The following MARK1 variants were observed in gnomAD, a reference collection of about 807,000 sequenced individuals.
The protein encoded by MARK1 is microtubule affinity regulating kinase 1.
In MARK1, 40 loss-of-function variants were observed where a neutral mutation model predicts 96.3. That is an observed-to-expected ratio of 0.42 (90% CI 0.32 to 0.54). The LOEUF (loss-of-function observed/expected upper bound fraction) is 0.54. Among genes scored for constraint, MARK1 ranks in the 20% least tolerant of loss-of-function variants. MARK1 has a pLI of 0.16. For missense variants in MARK1, 719 were observed against 984.6 expected (o/e 0.73, Z 3.61); for synonymous variants, 317 against 341.2 (o/e 0.93, Z 0.78).
chr1:220,579,549 G>C lies in MARK1; in HGVS notation c.247G>C (p.Gly83Arg), dbSNP rs1420510648. The C allele has an allele frequency of 3.7e-6, 6 of 1,613,814 alleles. No homozygotes were observed. The South Asian group carries it at 5.5e-5, about 15-fold the overall frequency. Reference protein sequence around the residue: ...KVKLARHVLTGREVAVKIIDK... With the variant: ...KVKLARHVLTRREVAVKIIDK... Reference sequence around the variant, plus strand: ...CAAATTGGCAAGACACGTTCTAACTGGTAGAGAGGTAAGTTTGCACAATGC... The same window carrying C: ...CAAATTGGCAAGACACGTTCTAACTCGTAGAGAGGTAAGTTTGCACAATGC... The change falls in exon 2 of 18, where the codon GGT (glycine) becomes CGT (arginine). Residue 83 changes from glycine (G) to arginine (R), a missense_variant. By Grantham distance (125) the Gly-to-Arg change is moderately radical (BLOSUM62 -2). Around this residue, in one of 4 missense-constraint regions of MARK1, gnomAD observed 105 missense variants for 133.4 expected, o/e 0.79. Coordinates refer to ENST00000366917, the MANE Select transcript of MARK1 (RefSeq NM_018650.5).
Position 220,633,471 on chromosome 1 carries a change from T to A in MARK1, c.1122+1158T>A, listed in dbSNP as rs539681529. ...CATTCCAGCTGACATATATTGAACC[T>A]TTATTGTACCAGAAACGATGCTGTG... On this transcript the variant is annotated intron_variant, in intron 11 of 17. Transcript: ENST00000366917. Among the ~76,000 whole-genome samples, 19 of 152,292 alleles carry A rather than the reference T, an allele frequency of 1.2e-4. No homozygotes were observed. In the East Asian group the frequency reaches 3.5e-3, roughly 28 times the overall value.
rs147664748 is a variant in MARK1 at position 220,653,393 on chromosome 1, A to T, written c.1988+41A>T. 6,197 of 1,577,128 alleles carry T rather than the reference A, an allele frequency of 3.9e-3. 13 individuals are homozygous for T. Among genetic ancestry groups the T allele is most frequent in the Non-Finnish European group, 4.9e-3 (5,719 of 1,160,434 alleles). ...CTGTCGTGTTTTGATTCCTCTAGAA[A>T]TTATAAAGGAAACTAGACTTTTTAA... On this transcript the variant is annotated intron_variant, in intron 16 of 17. Transcript: ENST00000366917.
chr1:220,589,949 T>C (rs1482550505), intron 3 of MARK1, among the ~76,000 whole-genome samples: 1 of 152,216 alleles, frequency 6.6e-6, no homozygotes, highest in Non-Finnish European at 1.5e-5. Context: ...AGTAAACTTC[T>C]TTTCATAGTC....
chr1:220,541,039 T>G (rs990675598), intron 1 of MARK1, among the ~76,000 whole-genome samples: 1 of 152,096 alleles, frequency 6.6e-6, no homozygotes. Context: ...GTTCAAGTGA[T>G]TCTCTGCCTC....
chr1:220,567,536 A>C (rs933955184), intron 1 of MARK1, among the ~76,000 whole-genome samples: 4 of 152,128 alleles, frequency 2.6e-5, no homozygotes, highest in Non-Finnish European at 5.9e-5. Context: ...AGATACCCGA[A>C]AGCTAGAATT....
At chr1:220,592,171 C>A (rs1665028159) in intron 3 of MARK1, among the ~76,000 whole-genome samples, 1 of 150,314 alleles carries the variant, frequency 6.7e-6, no homozygotes, top group African/African-American at 2.4e-5. Context: ...TTGCTTCTAA[C>A]CAATGCAATA....
In MARK1 at chr1:220,542,650, C is replaced by T. The variant is rs868441939; in HGVS notation, c.51+13777C>T. 4.6e-5 allele frequency among the ~76,000 whole-genome samples: 7 copies of T among 152,128 alleles called. No individual in the cohort carries two copies. In the South Asian group the frequency reaches 8.3e-4, roughly 18 times the overall value. On this transcript the variant is annotated intron_variant, in intron 1 of 17. Coordinates refer to ENST00000366917, the MANE Select transcript of MARK1 (RefSeq NM_018650.5). ...TGAGTCCAAGACTTAGTATTTGACTCCAGGGTAACTAAGGCTTTTGTGGTT... is the reference window on the plus strand; with the variant it reads ...TGAGTCCAAGACTTAGTATTTGACTTCAGGGTAACTAAGGCTTTTGTGGTT...
chr1:220,528,327 G>C lies in MARK1; in HGVS notation c.-496G>C, dbSNP rs1285638132. 1 of 152,080 alleles carries C rather than the reference G, an allele frequency of 6.6e-6. No homozygotes were observed. Among genetic ancestry groups the C allele is most frequent in the East Asian group, 1.9e-4 (1 of 5,170 alleles). 9.4% of individuals were successfully genotyped at this position (152,080 alleles called of 1,614,324 possible). On this transcript the variant is annotated 5_prime_UTR_variant, in exon 1 of 18. Transcript: ENST00000366917. Reference sequence around the variant, plus strand: ...GCTGGGCCCCGGGCGCGTGGATGCGGCTGGGTCGGGCGGCGCCGTACACCT... The same window carrying C: ...GCTGGGCCCCGGGCGCGTGGATGCGCCTGGGTCGGGCGGCGCCGTACACCT...
At chr1:220,578,895 T>G (rs927090294) in intron 1 of MARK1, among the ~76,000 whole-genome samples, 21 of 152,066 alleles carry the variant, frequency 1.4e-4, no homozygotes, top group Non-Finnish European at 2.5e-4. Flanking sequence ...CAGGCTGGAG[T>G]GCACTGACAT....
At chr1:220,615,526 G>A (rs1666693191) in intron 6 of MARK1, among the ~76,000 whole-genome samples, 1 of 152,098 alleles carries the variant, frequency 6.6e-6, no homozygotes, top group Non-Finnish European at 1.5e-5. Context: ...GTAATTCCTA[G>A]AATAGAGTTT....
rs1235941207 is a variant in MARK1 at position 220,654,759 on chromosome 1, A to T, written c.1988+1407A>T. Among the ~76,000 whole-genome samples the T allele has an allele frequency of 6.6e-6, 1 of 152,246 alleles. No homozygotes were observed. ...AGAATTAATTTTAAAGTGAAGAAAA[A>T]TAGGTTTATAGTTTAGTGCTTGATT... On this transcript the variant is annotated intron_variant, in intron 16 of 17. Transcript: ENST00000366917. The surrounding 1 kb of genome is among the most constrained non-coding windows in gnomAD (Gnocchi z 4.0).
chr1:220,593,303 T>C (rs1281035080), intron 3 of MARK1, among the ~76,000 whole-genome samples: 1 of 152,188 alleles, frequency 6.6e-6, no homozygotes. Flanking sequence ...TTTTTTCTTA[T>C]AAAATGACTT....
intron 3 of MARK1, among the ~76,000 whole-genome samples, chr1:220,582,834 A>G (rs186827313): frequency 6.6e-6 from 1 of 152,366 alleles, no homozygotes; most frequent in East Asian, 1.9e-4. Context: ...AAATAGGCAT[A>G]TAAAAATGAT....
intron 1 of MARK1, among the ~76,000 whole-genome samples, chr1:220,550,349 G>A (rs1285382269): frequency 6.6e-6 from 1 of 152,126 alleles, no homozygotes; most frequent in Non-Finnish European, 1.5e-5. Context: ...AGCAGAGTTA[G>A]GAGAAGCTCT....
At chr1:220,545,889 C>A (rs561683362) in intron 1 of MARK1, among the ~76,000 whole-genome samples, 1 of 152,268 alleles carries the variant, frequency 6.6e-6, no homozygotes, top group South Asian at 2.1e-4. Context: ...TAGGCCTTGA[C>A]CTTGGCCCTC....
At chr1:220,579,333 A>C in intron 1 of MARK1, 21 bp from the exon 2 acceptor site, 1 of 1,552,506 alleles carries the variant, frequency 6.4e-7, no homozygotes, top group South Asian at 1.1e-5. Flanking sequence ...TAACAATGAA[A>C]TCTTGTAAAC....
intron 16 of MARK1, among the ~76,000 whole-genome samples, chr1:220,656,626 T>G (rs1426842155): frequency 6.6e-6 from 1 of 152,230 alleles, no homozygotes; most frequent in Non-Finnish European, 1.5e-5. Context: ...AAAAATGTTT[T>G]ATTTATTTCA....
chr1:220,562,600 A>G (rs1303950107), intron 1 of MARK1, among the ~76,000 whole-genome samples: 3 of 151,906 alleles, frequency 2.0e-5, no homozygotes, highest in Admixed American at 1.3e-4. Context: ...CCATTTACAA[A>G]CTCCCACCTC....
chr1:220,600,578 T>C (rs1558289010), intron 5 of MARK1, among the ~76,000 whole-genome samples: 1 of 152,198 alleles, frequency 6.6e-6, no homozygotes, highest in Non-Finnish European at 1.5e-5. Context: ...GACTTCACTT[T>C]CTCAGAAATG....
Sources: gnomAD v4.1 joint callset for allele counts (sites outside exome capture counted in the v4.1 genomes callset) on GRCh38, gnomAD v4.1.1 for gene constraint, gnomAD v4.1.1 regional missense constraint, Gnocchi (gnomAD v3.1) non-coding constraint, MANE v1.5 for transcripts, NCBI Gene and HGNC (gene_info 2026-07-23, HGNC 2026-07-21) for gene names.